RBFOX1: variants seen among roughly 807,000 people sequenced by gnomAD.
RBFOX1 encodes the protein RNA binding fox-1 homolog 1.
Under a neutral mutation model 57.7 loss-of-function variants are expected in RBFOX1, and 8 were observed. That is an observed-to-expected ratio of 0.14 (90% CI 0.08 to 0.25). The LOEUF (loss-of-function observed/expected upper bound fraction) is 0.25. RBFOX1 is among the 10% of genes least tolerant of loss of function. The pLI, the probability that RBFOX1 is intolerant of heterozygous loss-of-function variation, is 1.00. For synonymous variants in RBFOX1, 326 were observed against 222.4 expected (o/e 1.47, Z -4.15); for missense variants, 611 against 548.5 (o/e 1.11, Z -1.14).
chr16:7,254,474 T>C (rs898730391), intron 4 of RBFOX1, among the ~76,000 whole-genome samples: 3 of 150,840 alleles, frequency 2.0e-5, no homozygotes, highest in South Asian at 4.2e-4. Flanking sequence ...ACTCCAAATG[T>C]CATGTTCCTG....
At chr16:6,432,775 C>T (rs945522212) in intron 2 of RBFOX1, among the ~76,000 whole-genome samples, 8 of 151,980 alleles carry the variant, frequency 5.3e-5, no homozygotes, top group East Asian at 1.9e-4. Context: ...GTCGGGAGTT[C>T]GAGACCAGTC....
At chr16:6,962,246 C>T (rs527273617) in intron 3 of RBFOX1, among the ~76,000 whole-genome samples, 2 of 152,186 alleles carry the variant, frequency 1.3e-5, no homozygotes, top group East Asian at 3.9e-4. Context: ...GTGTGTCAGA[C>T]CTCCCTCTCC....
chr16:6,676,179 C>T (rs927554731), intron 3 of RBFOX1, among the ~76,000 whole-genome samples: 5 of 145,874 alleles, frequency 3.4e-5, no homozygotes, highest in Non-Finnish European at 7.5e-5. Context: ...CACACACACA[C>T]ACTTCCCTAG....
chr16:6,797,004 A>C (rs1040981045), intron 3 of RBFOX1, among the ~76,000 whole-genome samples: 1 of 152,184 alleles, frequency 6.6e-6, no homozygotes, highest in East Asian at 1.9e-4. Context: ...TGCCACGGGC[A>C]GTCTAAATGT....
At chr16:7,478,999 G>A (rs1009015423) in intron 4 of RBFOX1, among the ~76,000 whole-genome samples, 41 of 151,980 alleles carry the variant, frequency 2.7e-4, no homozygotes, top group Non-Finnish European at 4.1e-4. Flanking sequence ...TCACTTAGAC[G>A]TACCAGCCAC....
At chr16:5,934,525 C>G (rs1205628234) in intron 4 of RBFOX1, among the ~76,000 whole-genome samples, 4 of 152,192 alleles carry the variant, frequency 2.6e-5, no homozygotes, top group South Asian at 2.1e-4. Flanking sequence ...GTCCACGACT[C>G]ACGTTGCAGA....
chr16:7,043,602 C>G (rs959716091), intron 3 of RBFOX1, among the ~76,000 whole-genome samples: 2 of 152,210 alleles, frequency 1.3e-5, no homozygotes, highest in Non-Finnish European at 2.9e-5. Context: ...ATATTGAGTT[C>G]TATGCTGGTA....
chr16:6,236,495 C>T (rs973899799), intron 1 of RBFOX1, among the ~76,000 whole-genome samples: 7 of 151,562 alleles, frequency 4.6e-5, no homozygotes, highest in South Asian at 4.2e-4. Context: ...AGTGCAGCAG[C>T]GCCATCTCGG....
intron 1 of RBFOX1, among the ~76,000 whole-genome samples, chr16:5,298,913 G>T (rs907448884): frequency 9.5e-6 from 1 of 105,322 alleles, no homozygotes; most frequent in African/African-American, 3.8e-5. Flanking sequence ...TTTGAGATAG[G>T]TGGACTTGTG....
At chr16:6,406,547 C>G (rs986175612) in intron 2 of RBFOX1, among the ~76,000 whole-genome samples, 22 of 150,868 alleles carry the variant, frequency 1.5e-4, no homozygotes, top group African/African-American at 5.1e-4. Context: ...CTTCTTTTCT[C>G]TGTTTGTAGA....
intron 3 of RBFOX1, among the ~76,000 whole-genome samples, chr16:6,979,148 A>G (rs932979716): frequency 6.6e-6 from 1 of 152,204 alleles, no homozygotes; most frequent in Non-Finnish European, 1.5e-5. Flanking sequence ...CCTGAATTCA[A>G]ATCTTAGTTC....
rs2062764968 is a variant in RBFOX1, at chr16:7,476,596, C to G, written c.28-41551C>G. On this transcript the variant is annotated intron_variant, in intron 4 of 15. Transcript: ENST00000550418. ...CGTAGGGGGCTAAATGAGTAACATT[C>G]TGAAATGAAGTCTTCGGCATCTCCA... 7.9e-5 allele frequency among the ~76,000 whole-genome samples: 12 copies of G among 152,328 alleles called. No homozygotes were observed. The South Asian group carries it at 2.5e-3, about 32-fold the overall frequency.
intron 2 of RBFOX1, among the ~76,000 whole-genome samples, chr16:6,497,014 C>A (rs1238937503): frequency 2.0e-5 from 3 of 152,266 alleles, no homozygotes; most frequent in Non-Finnish European, 4.4e-5. Flanking sequence ...CCAAGTACTA[C>A]GAGAGGCACT....
At chr16:7,162,410 C>T (rs892018614) in intron 4 of RBFOX1, among the ~76,000 whole-genome samples, 1 of 151,772 alleles carries the variant, frequency 6.6e-6, no homozygotes, top group African/African-American at 2.4e-5. Flanking sequence ...TATGATGCTC[C>T]ATTGTGCAGG....
intron 2 of RBFOX1, among the ~76,000 whole-genome samples, chr16:6,486,656 A>AT (rs34581165): frequency 0.21 from 29,732 of 143,094 alleles, 3,684 homozygotes; most frequent in Non-Finnish European, 0.3. Context: ...CCTTAATTTT[A>AT]TTATTTTTTT....
chr16:7,267,690 A>T (rs2095201586), intron 4 of RBFOX1, among the ~76,000 whole-genome samples: 1 of 152,160 alleles, frequency 6.6e-6, no homozygotes, highest in South Asian at 2.1e-4. Context: ...CCCCATCTTT[A>T]CTAAAAATAC....
chr16:7,055,889 C>A (rs551276928), intron 4 of RBFOX1, among the ~76,000 whole-genome samples: 3 of 152,228 alleles, frequency 2.0e-5, no homozygotes, highest in African/African-American at 7.2e-5. Flanking sequence ...TTTCATCCTA[C>A]ATGTGTGGGC....
chr16:5,366,625 A>C (rs2065723732), intron 1 of RBFOX1: 1 of 410,828 alleles, frequency 2.4e-6, no homozygotes, highest in African/African-American at 2.1e-5. Flanking sequence ...TTATGTGAAG[A>C]ATTGCTTCTG....
chr16:5,511,611 A>T (rs923875114), intron 2 of RBFOX1, among the ~76,000 whole-genome samples: 4 of 152,158 alleles, frequency 2.6e-5, no homozygotes, highest in African/African-American at 9.7e-5. Flanking sequence ...ATGATAATCA[A>T]TAACTTTTTG....
Sources: gnomAD v4.1 joint callset for allele counts (sites outside exome capture counted in the v4.1 genomes callset) on GRCh38, gnomAD v4.1.1 for gene constraint, MANE v1.5 for transcripts, NCBI Gene and HGNC (gene_info 2026-07-23, HGNC 2026-07-21) for gene names.